The following KCNC2 variants were observed in gnomAD, a reference collection of about 807,000 sequenced individuals.
KCNC2 encodes voltage-gated potassium channel KCNC2.
A neutral mutation model predicts 44.5 loss-of-function variants in KCNC2; 21 were observed. The observed-to-expected ratio is 0.47, with a 90% confidence interval of 0.33 to 0.68. The LOEUF is 0.68. KCNC2 is among the 30% of genes least tolerant of loss of function. KCNC2 has a pLI of 0.01. For missense variants in KCNC2, 589 were observed against 826.2 expected, an observed-to-expected ratio of 0.71 and a Z score of 3.52; for synonymous variants, 391 against 339.1, an observed-to-expected ratio of 1.15 and a Z score of -1.68.
At position 75,043,475 on chromosome 12, in the gene KCNC2, A is replaced by AT. The variant is rs1156437820; in HGVS notation, c.1781-235dup. ...TTATTGTTACAATACTTCAAAATAT[A>AT]TTTTTTCCCAGATTATAGTTAGCAT... On this transcript the variant is annotated intron_variant, in intron 4 of 4. Coordinates refer to ENST00000549446, the MANE Select transcript of KCNC2 (RefSeq NM_139137.4). The AT allele has an allele frequency of 3.3e-5, 43 of 1,293,808 alleles. No homozygotes were observed. In the South Asian group the frequency reaches 4.7e-4, roughly 14 times the overall value. 80.1% of individuals were successfully genotyped at this position (1,293,808 alleles called of 1,614,324 possible). A position where few individuals can be genotyped will look rare whatever the true frequency, so the allele number is the denominator to read the frequency against.
chr12:75,201,291 AAAAAAAAC>A (rs1166133200), intron 2 of KCNC2, among the ~76,000 whole-genome samples: 699 of 66,306 alleles, frequency 0.011, 75 homozygotes, highest in Middle Eastern at 0.018. Flanking sequence ...AAAAAAAAAA[AAAAAAAAC>A]CAGATTCTGG....
At chr12:75,137,222 T>C (rs1889296041) in intron 2 of KCNC2, among the ~76,000 whole-genome samples, 1 of 152,170 alleles carries the variant, frequency 6.6e-6, no homozygotes, top group Non-Finnish European at 1.5e-5. Flanking sequence ...TTTTCTCTTT[T>C]TGTCTTATAA....
At chr12:75,116,262 G>A (rs1471443491) in intron 2 of KCNC2, among the ~76,000 whole-genome samples, 1 of 152,120 alleles carries the variant, frequency 6.6e-6, no homozygotes, top group African/African-American at 2.4e-5. Context: ...GGTCCGAAGG[G>A]AACCAGAAAG....
At chr12:75,065,936 A>C (rs1263360796) in intron 2 of KCNC2, among the ~76,000 whole-genome samples, 1 of 152,150 alleles carries the variant, frequency 6.6e-6, no homozygotes. Flanking sequence ...GTAAAATTAC[A>C]TTCATATTTT....
At chr12:75,084,290 T>TGATAGATAGATA (rs56889908) in intron 2 of KCNC2, among the ~76,000 whole-genome samples, 121 of 123,722 alleles carry the variant, frequency 9.8e-4, no homozygotes, top group East Asian at 3.9e-3. Flanking sequence ...GATAGATAGA[T>TGATAGATAGATA]GATAGATAGA....
intron 2 of KCNC2, among the ~76,000 whole-genome samples, chr12:75,154,668 T>C (rs1025023250): frequency 2.0e-5 from 3 of 152,022 alleles, no homozygotes; most frequent in African/African-American, 7.2e-5. Flanking sequence ...GGCAATGAAG[T>C]GTTTTGAGTC....
chr12:75,102,792 T>C (rs548999524), intron 2 of KCNC2, among the ~76,000 whole-genome samples: 1 of 152,130 alleles, frequency 6.6e-6, no homozygotes, highest in East Asian at 1.9e-4. Flanking sequence ...AGAGTGCCAC[T>C]GCCCATAGAA....
chr12:75,091,151 T>C (rs1451643426), intron 2 of KCNC2, among the ~76,000 whole-genome samples: 1 of 151,712 alleles, frequency 6.6e-6, no homozygotes, highest in African/African-American at 2.4e-5. Flanking sequence ...TCCAGACATA[T>C]TACAATACCA....
intron 2 of KCNC2, among the ~76,000 whole-genome samples, chr12:75,069,552 C>T (rs1052809461): frequency 6.6e-6 from 1 of 152,166 alleles, no homozygotes; most frequent in African/African-American, 2.4e-5. Flanking sequence ...CTTACAGAAT[C>T]ATTTCAGTAG....
chr12:75,092,274 C>T (rs181015366), intron 2 of KCNC2, among the ~76,000 whole-genome samples: 4 of 151,666 alleles, frequency 2.6e-5, no homozygotes, highest in Non-Finnish European at 4.4e-5. Context: ...TATTTCTCTC[C>T]TCAAAATCAT....
At chr12:75,198,202 C>T (rs2030941602) in intron 2 of KCNC2, among the ~76,000 whole-genome samples, 1 of 151,796 alleles carries the variant, frequency 6.6e-6, no homozygotes, top group African/African-American at 2.4e-5. Flanking sequence ...TATCAAATTA[C>T]AGTCAACATT....
intron 2 of KCNC2, among the ~76,000 whole-genome samples, chr12:75,155,710 CAGA>C (rs1316778566): frequency 2.0e-5 from 3 of 151,422 alleles, no homozygotes; most frequent in Non-Finnish European, 4.4e-5. Flanking sequence ...AGAGAAAGAA[CAGA>C]AGATGAATTA....
intron 2 of KCNC2, among the ~76,000 whole-genome samples, chr12:75,128,428 A>G (rs969015736): frequency 6.6e-6 from 1 of 152,220 alleles, no homozygotes; most frequent in African/African-American, 2.4e-5. Flanking sequence ...TATAAAAAAC[A>G]ATACTTGGAG....
chr12:75,042,632 C>T lies in KCNC2; in HGVS notation c.*473G>A. ...ACAGTCCCCGAACTCTGCAACATTG[C>T]TTTCAGGTGATAGAGACAAGATGGT... On this transcript the variant is annotated 3_prime_UTR_variant, in exon 5 of 5. Coordinates refer to ENST00000549446, the MANE Select transcript of KCNC2 (RefSeq NM_139137.4). The T allele has an allele frequency of 3.2e-6, 4 of 1,247,740 alleles. No homozygotes were observed. The highest frequency in any genetic ancestry group is 4.0e-6 in the Non-Finnish European group (4 of 993,640). 77.3% of individuals were successfully genotyped at this position (1,247,740 alleles called of 1,614,324 possible). A position where few individuals can be genotyped will look rare whatever the true frequency, so the allele number is the denominator to read the frequency against.
intron 2 of KCNC2, among the ~76,000 whole-genome samples, chr12:75,103,040 A>T (rs140990916): frequency 9.3e-4 from 141 of 152,230 alleles, no homozygotes; most frequent in Middle Eastern, 3.4e-3. Flanking sequence ...CAAACAGAAG[A>T]TGTTAAGAGT....
rs537366352 is a variant in KCNC2 at position 75,100,673 on chromosome 12, G to A, written c.688-49356C>T. Reference sequence around the variant, plus strand: ...TTCATGTATTCATCTATTCATCAATGTAACTTATTAGTGAGAACTTACTAG... The same window carrying A: ...TTCATGTATTCATCTATTCATCAATATAACTTATTAGTGAGAACTTACTAG... On this transcript the variant is annotated intron_variant, in intron 2 of 4. Coordinates refer to ENST00000549446, the MANE Select transcript of KCNC2 (RefSeq NM_139137.4). Among the ~76,000 whole-genome samples, 10 of 152,042 alleles carry A rather than the reference G, an allele frequency of 6.6e-5. No individual in the cohort carries two copies. In the South Asian group the frequency reaches 2.1e-3, roughly 32 times the overall value.
intron 2 of KCNC2, among the ~76,000 whole-genome samples, chr12:75,095,424 C>A (rs1885839396): frequency 6.6e-6 from 1 of 151,790 alleles, no homozygotes; most frequent in African/African-American, 2.4e-5. Context: ...CCCGGCCCTG[C>A]AAATTATGTT....
chr12:75,134,325 G>A (rs1025188556), intron 2 of KCNC2, among the ~76,000 whole-genome samples: 2 of 151,958 alleles, frequency 1.3e-5, no homozygotes, highest in Non-Finnish European at 2.9e-5. Context: ...ATATAATTAT[G>A]TTGTGATTCT....
At chr12:75,122,055 A>T (rs1250776121) in intron 2 of KCNC2, among the ~76,000 whole-genome samples, 1 of 152,184 alleles carries the variant, frequency 6.6e-6, no homozygotes, top group African/African-American at 2.4e-5. Context: ...CAAAGTACTT[A>T]GAAGAATGGA....
Sources: allele counts gnomAD v4.1 joint callset (sites outside exome capture counted in the v4.1 genomes callset), GRCh38; gene constraint gnomAD v4.1.1; transcripts MANE v1.5; gene names NCBI Gene and HGNC (gene_info 2026-07-23, HGNC 2026-07-21).